The following TRIM62 variants were observed in gnomAD, a reference collection of about 807,000 sequenced individuals.
TRIM62 encodes the protein tripartite motif containing 62.
A neutral mutation model predicts 44.2 loss-of-function variants in TRIM62; 39 were observed. The observed-to-expected ratio is 0.88, with a 90% CI of 0.68 to 1.15. The LOEUF is 1.15. Ranked by LOEUF, TRIM62 falls within the 50% of genes most tolerant of loss-of-function variation. The pLI is 0.00. For synonymous variants in TRIM62, 278 were observed against 292.3 expected, an observed-to-expected ratio of 0.95 and a Z score of 0.50; for missense variants, 544 against 665.5, an observed-to-expected ratio of 0.82 and a Z score of 2.01.
intron 1 of TRIM62, among the ~76,000 whole-genome samples, chr1:33,178,856 T>C (rs2147991974): frequency 6.6e-6 from 1 of 152,364 alleles, no homozygotes; most frequent in Non-Finnish European, 1.5e-5. Context: ...ATTTCTCCTG[T>C]GTCCCCCAGG....
At chr1:33,170,456 A>G (rs1317605809) in intron 1 of TRIM62, among the ~76,000 whole-genome samples, 2 of 152,130 alleles carry the variant, frequency 1.3e-5, no homozygotes, top group Non-Finnish European at 2.9e-5. Flanking sequence ...GACTGTGGAA[A>G]GGGGAGATTT....
rs1451327056 is a variant in TRIM62 at position 33,179,171 on chromosome 1, G to A, written c.408+1854C>T. Reference sequence around the variant, plus strand: ...TTCCTGCTTATGTGACTCCATAGACGGGGAGATGGACAGCAGCAGCGCCTA... The same window carrying A: ...TTCCTGCTTATGTGACTCCATAGACAGGGAGATGGACAGCAGCAGCGCCTA... On this transcript the variant is annotated intron_variant, in intron 1 of 4. Coordinates refer to ENST00000291416, the MANE Select transcript of TRIM62 (RefSeq NM_018207.3). Among the ~76,000 whole-genome samples the A allele has an allele frequency of 5.9e-5, 9 of 152,358 alleles. No homozygotes were observed. In the East Asian group the frequency reaches 1.2e-3, roughly 20 times the overall value.
intron 4 of TRIM62, among the ~76,000 whole-genome samples, chr1:33,149,606 C>G (rs1334310140): frequency 6.6e-6 from 1 of 151,416 alleles, no homozygotes. Flanking sequence ...AGGCATGCAT[C>G]ACTATGCGCA....
At chr1:33,163,584 G>T (rs1645297434) in intron 2 of TRIM62, 1 of 152,258 alleles carries the variant, frequency 6.6e-6, no homozygotes, top group South Asian at 2.1e-4. Flanking sequence ...TGTGGCTGGG[G>T]AAACAGCCCC....
intron 1 of TRIM62, among the ~76,000 whole-genome samples, chr1:33,174,401 C>T (rs960948339): frequency 1.3e-5 from 2 of 152,132 alleles, no homozygotes; most frequent in African/African-American, 2.4e-5. Flanking sequence ...CCACACTGGT[C>T]TCGAACTTCT....
At chr1:33,160,612 C>T (rs2124732441) in intron 2 of TRIM62, among the ~76,000 whole-genome samples, 1 of 152,122 alleles carries the variant, frequency 6.6e-6, no homozygotes, top group South Asian at 2.1e-4. Flanking sequence ...ACCATGTTGG[C>T]CAGGCTGGTC....
intron 1 of TRIM62, among the ~76,000 whole-genome samples, chr1:33,179,319 G>T (rs1645443618): frequency 6.6e-6 from 1 of 152,206 alleles, no homozygotes; most frequent in Non-Finnish European, 1.5e-5. Flanking sequence ...GTCAGTTGTA[G>T]TTTTGAGATA....
chr1:33,173,057 A>G (rs1002535981), intron 1 of TRIM62, among the ~76,000 whole-genome samples: 35 of 152,282 alleles, frequency 2.3e-4, no homozygotes, highest in Non-Finnish European at 4.7e-4. Context: ...CAAGGATGCC[A>G]GAAACCTGAC....
In TRIM62 at chr1:33,159,641, G is replaced by A. The variant is rs548096509; in HGVS notation, c.761+47C>T. ...CCACTCCCACTGCCCAGCATGGGTCGAGGAGGGGATGGTCAGCCGGGGAGG... is the reference window on the plus strand; with the variant it reads ...CCACTCCCACTGCCCAGCATGGGTCAAGGAGGGGATGGTCAGCCGGGGAGG... On this transcript the variant is annotated intron_variant, in intron 3 of 4. Transcript: ENST00000291416. This position sits in a 1 kb window ranked among gnomAD's most constrained non-coding sequence, Gnocchi z 4.2. 8 of 1,575,360 alleles carry A rather than the reference G, an allele frequency of 5.1e-6. No individual in the cohort carries two copies. The highest frequency in any genetic ancestry group is 2.3e-5 in the East Asian group (1 of 44,338).
In TRIM62 at chr1:33,165,451, C is replaced by T. The variant is rs746938617; in HGVS notation, c.504+20G>A. On this transcript the variant is annotated intron_variant, in intron 2 of 4. Coordinates refer to ENST00000291416, the MANE Select transcript of TRIM62 (RefSeq NM_018207.3). This position sits in a 1 kb window ranked among gnomAD's most constrained non-coding sequence, Gnocchi z 4.0. ...CCCTCATCTCTGCCGGCCCCACCTC[C>T]GCGCCCCGGCCAGGCTCACCTTGGT... 3 of 1,568,474 alleles carry T rather than the reference C, an allele frequency of 1.9e-6. No homozygotes were observed. Among genetic ancestry groups the T allele is most frequent in the South Asian group, 2.3e-5 (2 of 85,816 alleles).
chr1:33,170,984 C>G (rs971945436), intron 1 of TRIM62, among the ~76,000 whole-genome samples: 8 of 152,166 alleles, frequency 5.3e-5, no homozygotes, highest in Admixed American at 4.6e-4. Context: ...CTAGTCGCTT[C>G]TTTGTGTCTT....
chr1:33,159,355 A>T lies in TRIM62; in HGVS notation c.761+333T>A, dbSNP rs993911419. Among the ~76,000 whole-genome samples, 1 of 152,178 alleles carries T rather than the reference A, an allele frequency of 6.6e-6. No homozygotes were observed. Among genetic ancestry groups the T allele is most frequent in the African/African-American group, 2.4e-5 (1 of 41,436 alleles). ...CTATAATGTATACAGAATATATTAC[A>T]TATATAATAATGTAAATATATGAAG... On this transcript the variant is annotated intron_variant, in intron 3 of 4. Coordinates refer to ENST00000291416, the MANE Select transcript of TRIM62 (RefSeq NM_018207.3). The surrounding 1 kb of genome is among the most constrained non-coding windows in gnomAD (Gnocchi z 4.2).
Position 33,168,117 on chromosome 1 carries a change from G to A in TRIM62, c.409-2551C>T, listed in dbSNP as rs371312054. Among the ~76,000 whole-genome samples, 6 of 152,312 alleles carry A rather than the reference G, an allele frequency of 3.9e-5. No homozygotes were observed. The South Asian group carries it at 8.3e-4, about 21-fold the overall frequency. On this transcript the variant is annotated intron_variant, in intron 1 of 4. Transcript: ENST00000291416. ...GGTGGCCAGGGAAGGCTTCTCTGAG[G>A]AGGTGACAGCAGAAGGATGAGGAGG...
At chr1:33,166,898 G>A (rs72885933) in intron 1 of TRIM62, among the ~76,000 whole-genome samples, 3,052 of 152,148 alleles carry the variant, frequency 0.02, 85 homozygotes, top group African/African-American at 0.069. Context: ...TGGGTTTTTT[G>A]CATTAATTTT....
At chr1:33,154,603 C>T (rs113202797) in intron 4 of TRIM62, among the ~76,000 whole-genome samples, 1,713 of 146,972 alleles carry the variant, frequency 0.012, 34 homozygotes, top group African/African-American at 0.041. Flanking sequence ...TTCAAGACCA[C>T]CCTGGCCAAC....
chr1:33,157,721 T>C (rs987891542), intron 4 of TRIM62, among the ~76,000 whole-genome samples: 8 of 152,066 alleles, frequency 5.3e-5, no homozygotes, highest in Non-Finnish European at 1.0e-4. Context: ...ATCTGGAGAA[T>C]GGGTTTGCTA....
At position 33,147,630 on chromosome 1, in the gene TRIM62, C is replaced by T. The variant is rs757732350; in HGVS notation, c.975G>A (p.Gln325=). Residue 325 remains glutamine, a synonymous_variant, in exon 5 of 5, where the codon CAG becomes CAA. Transcript: ENST00000291416. This position sits in a 1 kb window ranked among gnomAD's most constrained non-coding sequence, Gnocchi z 8.1. Reference sequence around the variant, plus strand: ...AGCGCTTTGGCGAGTCCTGCAGTGGCTGTGGGTGCAAGTTGCCGTAAGCCA... The same window carrying T: ...AGCGCTTTGGCGAGTCCTGCAGTGGTTGTGGGTGCAAGTTGCCGTAAGCCA... ...TIVAYGNLHP[Q]PLQDSPKRFD... The T allele has an allele frequency of 6.2e-7, 1 of 1,614,042 alleles. No homozygotes were observed. The highest frequency in any genetic ancestry group is 1.1e-5 in the South Asian group (1 of 91,090).
intron 1 of TRIM62, among the ~76,000 whole-genome samples, chr1:33,174,956 TATATATATATATACACAC>T (rs1276184513): frequency 4.6e-4 from 66 of 142,842 alleles, no homozygotes; most frequent in African/African-American, 1.7e-3. Flanking sequence ...TATATATATA[TATATATATATATACACAC>T]ATATACATAT....
chr1:33,175,001 G>GTATATGTATATGTATATGTATATGTA (rs56292337), intron 1 of TRIM62, among the ~76,000 whole-genome samples: 2 of 135,646 alleles, frequency 1.5e-5, no homozygotes, highest in African/African-American at 5.8e-5. Context: ...ACACACACAT[G>GTATATGTATATGTATATGTATATGTA]TATGTATATG....
Sources: allele counts gnomAD v4.1 joint callset (sites outside exome capture counted in the v4.1 genomes callset), GRCh38; gene constraint gnomAD v4.1.1; non-coding constraint Gnocchi (gnomAD v3.1); transcripts MANE v1.5; gene names NCBI Gene and HGNC (gene_info 2026-07-23, HGNC 2026-07-21).